CORO7: variants seen among roughly 807,000 people sequenced by gnomAD.
CORO7 encodes coronin 7.
Under a neutral mutation model 126.6 loss-of-function variants are expected in CORO7, and 107 were observed. The observed-to-expected ratio is 0.85, with a 90% CI of 0.72 to 0.99. The LOEUF is 0.99. CORO7 is among the 50% of genes least tolerant of loss of function. The probability of loss-of-function intolerance (pLI) is 0.00; values close to 1 mark genes in which losing one functional copy is unlikely to be tolerated. For synonymous variants in CORO7, 603 were observed against 536.8 expected, an observed-to-expected ratio of 1.12 and a Z score of -1.70; for missense variants, 1,314 against 1,255.8, an observed-to-expected ratio of 1.05 and a Z score of -0.70.
chr16:4,359,200 C>T (rs1314633245), intron 23 of CORO7, 96 bp downstream of exon 23: 1 of 1,368,228 alleles, frequency 7.3e-7, no homozygotes, highest in Non-Finnish European at 9.8e-7. Flanking sequence ...GGACTCTGAC[C>T]CCCGACCCAC....
chr16:4,412,357 T>C lies in CORO7; in HGVS notation c.231A>G (p.Ser77=). 1 of 1,614,168 alleles carries C rather than the reference T, an allele frequency of 6.2e-7. No homozygotes were observed. Among genetic ancestry groups the C allele is most frequent in the African/African-American group, 1.3e-5 (1 of 75,044 alleles). Residue 77 remains serine (S), a splice_region_variant and synonymous_variant, in exon 3 of 28, where the codon TCA becomes TCG. Transcript: ENST00000251166. ...CCCACTAGTCAGACACCCACTCACC[T>C]GAATGGCAGCCCAGGTGGGCCACGC... ...KRRVAHLGCH[S]DLVTDLDFSP... is the part of the protein sequence containing the mutation.
intron 6 of CORO7, among the ~76,000 whole-genome samples, chr16:4,395,610 C>T (rs1382223319): frequency 6.6e-6 from 1 of 152,196 alleles, no homozygotes; most frequent in South Asian, 2.1e-4. Flanking sequence ...GAGACCTGCT[C>T]CACGTCAGGC....
chr16:4,401,956 T>C (rs1051640393), intron 6 of CORO7, among the ~76,000 whole-genome samples: 1 of 151,936 alleles, frequency 6.6e-6, no homozygotes, highest in Non-Finnish European at 1.5e-5. Flanking sequence ...TTGTTTGTTT[T>C]GAGACAGAGT....
At chr16:4,395,995 G>A (rs1208322473) in intron 6 of CORO7, among the ~76,000 whole-genome samples, 1 of 26,388 alleles carries the variant, frequency 3.8e-5, no homozygotes, top group African/African-American at 1.2e-4. Flanking sequence ...GCATGCACAC[G>A]TTGTGTGTGT....
At chr16:4,416,303 G>A (rs2056409611) in intron 1 of CORO7, among the ~76,000 whole-genome samples, 156 bp downstream of exon 1, 1 of 152,150 alleles carries the variant, frequency 6.6e-6, no homozygotes, top group South Asian at 2.1e-4. Flanking sequence ...GAAACGGCCC[G>A]GACGCCGGGG....
chr16:4,357,488 T>C (rs1314122991), intron 25 of CORO7: 1 of 476,892 alleles, frequency 2.1e-6, no homozygotes, highest in Admixed American at 4.0e-5. Context: ...GCCTCTGGAG[T>C]AGTTGGGATT....
At chr16:4,371,353 G>A (rs1036072198) in intron 9 of CORO7, among the ~76,000 whole-genome samples, 11 of 152,158 alleles carry the variant, frequency 7.2e-5, no homozygotes, top group Admixed American at 5.9e-4. Flanking sequence ...TTTGAAATTG[G>A]GATTAGCTAC....
intron 9 of CORO7, chr16:4,382,282 G>C: frequency 6.2e-7 from 1 of 1,609,070 alleles, no homozygotes; most frequent in Non-Finnish European, 8.5e-7. Flanking sequence ...CCTGGGCATC[G>C]AGCCGGTGAG....
rs775799990 is a variant in CORO7, at chr16:4,407,615, C to T, written c.373G>A (p.Glu125Lys). ...PSAPGVVLGP[E>K]DLPVEVLQFH... ...TGCAGTACCTCCACTGGGAGGTCCT[C>T]GGGGCCCAGCACCACCCCGGGTGCT... The change falls in exon 5 of 28, where the codon GAG (glutamate) becomes AAG (lysine). Residue 125 changes from glutamate to lysine, a missense_variant. Coordinates refer to ENST00000251166, the MANE Select transcript of CORO7 (RefSeq NM_024535.5). The T allele has an allele frequency of 1.2e-5, 19 of 1,601,138 alleles. No homozygotes were observed. Among genetic ancestry groups the T allele is most frequent in the Middle Eastern group, 1.6e-4 (1 of 6,064 alleles).
At chr16:4,391,634 C>T (rs886177382) in intron 7 of CORO7, among the ~76,000 whole-genome samples, 6 of 151,950 alleles carry the variant, frequency 3.9e-5, no homozygotes, top group Non-Finnish European at 7.4e-5. Context: ...GGGAGGCTGA[C>T]GCAGGAGGAT....
At chr16:4,361,741 C>T in intron 16 of CORO7, 1 of 808,644 alleles carries the variant, frequency 1.2e-6, no homozygotes, top group East Asian at 2.7e-5. Context: ...CCCAGCTCCA[C>T]CACTTACACA....
chr16:4,401,872 G>A (rs376573721), intron 6 of CORO7, among the ~76,000 whole-genome samples: 5 of 151,854 alleles, frequency 3.3e-5, no homozygotes, highest in African/African-American at 9.7e-5. Flanking sequence ...CAGCTATGAC[G>A]TGGGCAAGCC....
chr16:4,362,696 TG>T lies in CORO7; in HGVS notation c.1317del (p.Thr440ArgfsTer21). The T allele has an allele frequency of 6.8e-7, 1 of 1,465,066 alleles. No individual in the cohort carries two copies. Among genetic ancestry groups the T allele is most frequent in the Non-Finnish European group, 9.0e-7 (1 of 1,106,014 alleles). The allele number at this position is 1,465,066 out of a possible 1,614,324, so 90.8% of individuals were successfully genotyped here. On this transcript the variant is annotated frameshift_variant, in exon 15 of 28. Coordinates refer to ENST00000251166, the MANE Select transcript of CORO7 (RefSeq NM_024535.5). LOFTEE classifies it high-confidence loss of function. The surrounding 1 kb of genome is among the most constrained non-coding windows in gnomAD (Gnocchi z 5.3). ...SSPPSSLTSP[S>X]TPSSLGPSLS... ...AGTGAGGGCCCCAGGCTGGAGGGCG[TG>T]GAGGGCGAGGTCAGCGAACTGGGAG...
In CORO7 at chr16:4,395,312, T is replaced by C. The variant is rs1202343756; in HGVS notation, c.592A>G (p.Arg198Gly). ...KDKQLRIFDP[R>G]TKPRASQSTQ... ...ACCTGAGAGGCCCGCGGCTTTGTTC[T>C]GGGGTCAAAGATCCGCAGCTGCTTG... is the stretch of plus-strand genomic sequence containing the variant. The change falls in exon 7 of 28, where the codon AGA becomes GGA. Residue 198 changes from arginine to glycine, a missense_variant. Physicochemically the swap from Arg to Gly is moderately radical, Grantham distance 125. Transcript: ENST00000251166. The C allele has an allele frequency of 6.2e-7, 1 of 1,614,054 alleles. No individual in the cohort carries two copies. Among genetic ancestry groups the C allele is most frequent in the Admixed American group, 1.7e-5 (1 of 60,016 alleles).
rs1287858764 is a variant in CORO7 at position 4,412,350 on chromosome 16, A to G, written c.232+6T>C. 5.6e-6 allele frequency: 9 copies of G among 1,613,828 alleles called. No homozygotes were observed. The highest frequency in any genetic ancestry group is 1.3e-5 in the African/African-American group (1 of 74,942). On this transcript the variant is annotated splice_donor_region_variant and intron_variant, in intron 3 of 27. Transcript: ENST00000251166. Reference sequence around the variant, plus strand: ...GGCTTCACCCACTAGTCAGACACCCACTCACCTGAATGGCAGCCCAGGTGG... The same window carrying G: ...GGCTTCACCCACTAGTCAGACACCCGCTCACCTGAATGGCAGCCCAGGTGG...
Position 4,407,743 on chromosome 16 carries a change from C to G in CORO7, c.304-59G>C, listed in dbSNP as rs556164746. The G allele has an allele frequency of 1.8e-4, 275 of 1,492,262 alleles. 2 individuals are homozygous for G. In the African/African-American group the frequency reaches 3.5e-3, roughly 19 times the overall value. 92.4% of individuals were successfully genotyped at this position (1,492,262 alleles called of 1,614,324 possible). A position where few individuals can be genotyped will look rare whatever the true frequency, so the allele number is the denominator to read the frequency against. ...TGAGGGCCTCACTGCCTTGAGTCAG[C>G]TGCCGTGACCCCAGTGAGGTCCCGT... is the stretch of plus-strand genomic sequence containing the variant. On this transcript the variant is annotated intron_variant, in intron 4 of 27. Transcript: ENST00000251166.
chr16:4,356,050 T>C (rs1341858744), intron 26 of CORO7, among the ~76,000 whole-genome samples: 3 of 152,034 alleles, frequency 2.0e-5, no homozygotes, highest in African/African-American at 7.2e-5. Flanking sequence ...GCCTCCTGGG[T>C]TCAAGCGATT....
intron 9 of CORO7, among the ~76,000 whole-genome samples, chr16:4,380,034 G>A (rs1194964874): frequency 1.3e-5 from 2 of 151,126 alleles, no homozygotes; most frequent in Non-Finnish European, 3.0e-5. Flanking sequence ...CTCCAGCTTG[G>A]GTGACAGAGC....
chr16:4,403,068 C>A (rs1298215118), intron 6 of CORO7, among the ~76,000 whole-genome samples: 1 of 152,094 alleles, frequency 6.6e-6, no homozygotes, highest in African/African-American at 2.4e-5. Flanking sequence ...GACCCCCCAC[C>A]CCCATCCCCA....
Sources: allele counts gnomAD v4.1 joint callset (sites outside exome capture counted in the v4.1 genomes callset), GRCh38; gene constraint gnomAD v4.1.1; non-coding constraint Gnocchi (gnomAD v3.1); transcripts MANE v1.5; gene names NCBI Gene and HGNC (gene_info 2026-07-23, HGNC 2026-07-21).